The following XIST variants were observed in gnomAD, a reference collection of about 807,000 sequenced individuals.
XIST encodes X inactive specific transcript, also known as X inactive specific transcript (non-protein coding).
At position 73,828,091 on chromosome X, in the gene XIST, T is replaced by TA. The variant is rs199953543; in HGVS notation, n.11917-108dup. 37 of 434,604 alleles carry TA rather than the reference T, an allele frequency of 8.5e-5. No homozygotes were observed. In the South Asian group the frequency reaches 1.0e-3, roughly 12 times the overall value. The allele number at this position is 434,604 out of a possible 1,213,427, so 35.8% of individuals were successfully genotyped here. On this transcript the variant is annotated intron_variant and non_coding_transcript_variant, in intron 5 of 5. Coordinates refer to ENST00000429829, the Ensembl canonical transcript of XIST. ...AGGCATGAAAAGCATCACAGAAAGA[T>TA]AAAAAAAATCAAAAAGTGTCATTAG...
exon 1 of XIST, chrX:73,851,703 T>C (rs1343056949): frequency 1.8e-6 from 1 of 557,400 alleles, no homozygotes; most frequent in Non-Finnish European, 3.2e-6. Flanking sequence ...CAGATAGGTT[T>C]AGCTCATGCA....
chrX:73,844,501 G>A (rs752251779), exon 1 of XIST: 37 of 556,788 alleles, frequency 6.6e-5, no homozygotes, highest in East Asian at 9.8e-5. Flanking sequence ...TATTCAAATA[G>A]GATAAGCCAT....
exon 1 of XIST, chrX:73,842,113 TC>T: frequency 1.9e-6 from 1 of 533,149 alleles, no homozygotes; most frequent in Non-Finnish European, 3.4e-6. Flanking sequence ...TATTTTGGCT[TC>T]AAAAAAATAA....
chrX:73,821,683 T>C (rs772054787), exon 6 of XIST: 1 of 548,817 alleles, frequency 1.8e-6, no homozygotes, highest in Non-Finnish European at 3.3e-6. Context: ...CTCTTCCTCC[T>C]GTCCCACCCT....
chrX:73,845,751 T>C (rs752444761), exon 1 of XIST: 6 of 550,826 alleles, frequency 1.1e-5, no homozygotes, highest in Admixed American at 9.0e-5. Context: ...TGCACCTTGA[T>C]TGTCCAAATG....
chrX:73,852,331 C>T (rs183563829), exon 1 of XIST: 7 of 541,513 alleles, frequency 1.3e-5, no homozygotes, highest in African/African-American at 4.6e-5. Flanking sequence ...TATCCACGGC[C>T]CCGTTGGGCA....
In XIST at chrX:73,826,078, C is replaced by T; in HGVS notation, n.13823G>A. The T allele has an allele frequency of 5.4e-6, 3 of 558,971 alleles. No individual in the cohort carries two copies. The East Asian group carries it at 9.7e-5, about 18-fold the overall frequency. 46.1% of individuals were successfully genotyped at this position (558,971 alleles called of 1,213,427 possible). On this transcript the variant is annotated non_coding_transcript_exon_variant, in exon 6 of 6. Transcript: ENST00000429829. ...CAGGCACAGTCACCCTTTCCATAAC[C>T]ATCACTAGAAATCCCAAACCCCAGA... is the stretch of plus-strand genomic sequence containing the variant.
At chrX:73,852,247 G>C in exon 1 of XIST, 1 of 548,265 alleles carries the variant, frequency 1.8e-6, no homozygotes. Context: ...ATACCCCGAT[G>C]GGCTAAGGAA....
At chrX:73,838,754 AG>A (rs754473953) in intron 1 of XIST, among the ~76,000 whole-genome samples, 1 of 111,741 alleles carries the variant, frequency 8.9e-6, no homozygotes, top group South Asian at 3.7e-4. Flanking sequence ...TAAATTCAGC[AG>A]GCCAGCTATG....
chrX:73,824,605 A>ATT, exon 6 of XIST: 1 of 553,740 alleles, frequency 1.8e-6, no homozygotes, highest in Non-Finnish European at 3.3e-6. Flanking sequence ...TACAATGAGA[A>ATT]TTTTGTAGAG....
At chrX:73,842,631 T>G (rs375676203) in exon 1 of XIST, 1 of 556,503 alleles carries the variant, frequency 1.8e-6, no homozygotes, top group African/African-American at 2.2e-5. Context: ...GTACTGTGTT[T>G]ATTAATAACA....
chrX:73,843,947 C>A (rs1304748655), exon 1 of XIST: 1 of 557,945 alleles, frequency 1.8e-6, no homozygotes, highest in East Asian at 3.2e-5. Flanking sequence ...TGTTGATAGT[C>A]CACCAGAAGG....
At chrX:73,824,512 AT>A (rs1309630530) in exon 6 of XIST, 1 of 556,615 alleles carries the variant, frequency 1.8e-6, no homozygotes, top group Non-Finnish European at 3.2e-6. Flanking sequence ...ATAGTAGGCA[AT>A]CAAAATTGAT....
At chrX:73,850,777 T>C in exon 1 of XIST, 1 of 446,564 alleles carries the variant, frequency 2.2e-6, no homozygotes, top group Non-Finnish European at 3.9e-6. Context: ...GGGGGGGAGG[T>C]ATACTTAGCC....
At chrX:73,831,439 CT>C in intron 3 of XIST, 2 of 322,591 alleles carry the variant, frequency 6.2e-6, no homozygotes, top group African/African-American at 2.9e-5. Context: ...TGGCTACCAA[CT>C]TAGCAAAAAA....
Position 73,821,888 on chromosome X carries a change from C to A in XIST, n.18013G>T, listed in dbSNP as rs1363821310. The A allele has an allele frequency of 5.4e-6, 3 of 552,486 alleles. No homozygotes were observed. In the African/African-American group the frequency reaches 6.7e-5, roughly 12 times the overall value. The allele number at this position is 552,486 out of a possible 1,213,427, so 45.5% of individuals were successfully genotyped here. Reference sequence around the variant, plus strand: ...TCTACTATAAAAAGCCCTTCTTGAGCAGATTTGATGATAAAAAGGAGAACA... The same window carrying A: ...TCTACTATAAAAAGCCCTTCTTGAGAAGATTTGATGATAAAAAGGAGAACA... On this transcript the variant is annotated non_coding_transcript_exon_variant, in exon 6 of 6. Transcript: ENST00000429829.
exon 1 of XIST, chrX:73,845,852 T>C (rs753879383): frequency 5.4e-6 from 3 of 550,903 alleles, no homozygotes; most frequent in South Asian, 2.2e-5. Context: ...CCTTGTCTAA[T>C]ACACAGGAAC....
exon 1 of XIST, chrX:73,851,920 C>G (rs1333517863): frequency 9.0e-6 from 5 of 555,052 alleles, no homozygotes; most frequent in African/African-American, 2.3e-5. Flanking sequence ...ACCAAATGAT[C>G]AGCAGCAAAA....
chrX:73,842,793 G>A (rs775606743), exon 1 of XIST: 2 of 558,642 alleles, frequency 3.6e-6, no homozygotes, highest in Admixed American at 2.2e-5. Flanking sequence ...ACCCAGCAAA[G>A]AGGCAAAAGG....
Sources: allele counts gnomAD v4.1 joint callset (sites outside exome capture counted in the v4.1 genomes callset), GRCh38; gene constraint gnomAD v4.1.1; transcripts MANE v1.5; gene names NCBI Gene and HGNC (gene_info 2026-07-23, HGNC 2026-07-21).